The following ITGB3BP variants were observed in gnomAD, a reference collection of about 807,000 sequenced individuals.
ITGB3BP encodes the protein integrin subunit beta 3 binding protein, also known as centromere protein R.
In ITGB3BP, 27 loss-of-function variants were observed where a neutral mutation model predicts 29.1. The ratio of observed to expected loss-of-function variants is 0.93; its 90% CI spans 0.68 to 1.28. The LOEUF is 1.28. ITGB3BP is among the 50% of genes most tolerant of loss of function. The pLI, the probability that ITGB3BP is intolerant of heterozygous loss-of-function variation, is 0.00. For synonymous variants in ITGB3BP, 61 were observed against 61.4 expected (o/e 0.99, Z 0.03); for missense variants, 192 against 200.2 (o/e 0.96, Z 0.25).
Position 63,493,088 on chromosome 1 carries a change from A to ACACACACACG in ITGB3BP, c.49-2871_49-2870insCGTGTGTGTG, listed in dbSNP as rs372348238. On this transcript the variant is annotated intron_variant, in intron 2 of 8. Transcript: ENST00000271002. ...GATCACACCACACACACACACACACACGCGCGCGCGCGCAAGAAAATAGAT... is the reference window on the plus strand; with the variant it reads ...GATCACACCACACACACACACACACACACACACACGCGCGCGCGCGCGCAAGAAAATAGAT... 3.4e-3 allele frequency among the ~76,000 whole-genome samples: 509 copies of ACACACACACG among 148,842 alleles called. 4 individuals carry two copies. The highest frequency in any genetic ancestry group is 0.012 in the African/African-American group (480 of 39,426).
intron 2 of ITGB3BP, 50 bp downstream of exon 2, chr1:63,508,478 A>G: frequency 1.2e-6 from 1 of 845,918 alleles, no homozygotes; most frequent in Non-Finnish European, 1.8e-6. Context: ...AGTAGTTAAA[A>G]ACTGAAAACA....
rs746571610 is a variant in ITGB3BP, at chr1:63,454,871, A to C, written c.333+19T>G. The C allele has an allele frequency of 6.0e-6, 7 of 1,162,918 alleles. No individual in the cohort carries two copies. Among genetic ancestry groups the C allele is most frequent in the Admixed American group, 1.8e-5 (1 of 56,272 alleles). The allele number at this position is 1,162,918 out of a possible 1,614,324, so 72.0% of individuals were successfully genotyped here. Reference sequence around the variant, plus strand: ...TTTTATCCTTTTCAAACAGGGTAGAAGTATGAAAAAATGCAAACCTGTATA... The same window carrying C: ...TTTTATCCTTTTCAAACAGGGTAGACGTATGAAAAAATGCAAACCTGTATA... On this transcript the variant is annotated intron_variant, in intron 5 of 8. Coordinates refer to ENST00000271002, the MANE Select transcript of ITGB3BP (RefSeq NM_014288.5). The surrounding 1 kb of genome is among the most constrained non-coding windows in gnomAD (Gnocchi z 4.1).
At chr1:63,522,820 T>C (rs1646486219) in intron 1 of ITGB3BP, 1 of 487,276 alleles carries the variant, frequency 2.1e-6, no homozygotes, top group Admixed American at 2.7e-5. Context: ...TTTCATCTAC[T>C]CTGTCCCATC....
chr1:63,487,873 G>A (rs2100663823), intron 3 of ITGB3BP, among the ~76,000 whole-genome samples: 1 of 152,210 alleles, frequency 6.6e-6, no homozygotes, highest in East Asian at 1.9e-4. Context: ...AACGTGTTGT[G>A]CTACAATGTT....
At chr1:63,510,148 C>T (rs772957540) in intron 1 of ITGB3BP, 1 of 611,124 alleles carries the variant, frequency 1.6e-6, no homozygotes, top group South Asian at 1.8e-5. Context: ...GGAAATCGTG[C>T]CATTGCACTC....
chr1:63,471,519 G>A (rs1645197213), intron 4 of ITGB3BP, among the ~76,000 whole-genome samples: 1 of 151,214 alleles, frequency 6.6e-6, no homozygotes, highest in South Asian at 2.1e-4. Flanking sequence ...CCAAAGTGCT[G>A]GGATTACAGG....
chr1:63,446,598 T>C, intron 8 of ITGB3BP: 1 of 531,594 alleles, frequency 1.9e-6, no homozygotes, highest in East Asian at 3.0e-5. Flanking sequence ...AACAGTTCTT[T>C]CCAATCAGCC....
At chr1:63,460,478 T>C (rs193209377) in intron 4 of ITGB3BP, among the ~76,000 whole-genome samples, 24 of 152,354 alleles carry the variant, frequency 1.6e-4, no homozygotes, top group African/African-American at 5.8e-4. Context: ...GTATCAGAAC[T>C]TCATTCCTTT....
chr1:63,470,366 G>C (rs538388993), intron 4 of ITGB3BP, among the ~76,000 whole-genome samples: 2 of 152,144 alleles, frequency 1.3e-5, no homozygotes, highest in Non-Finnish European at 2.9e-5. Context: ...AAGAGACAAG[G>C]GTACACATAA....
upstream of ITGB3BP, chr1:63,525,630 G>A (rs775810169): frequency 1.9e-6 from 3 of 1,598,052 alleles, no homozygotes; most frequent in South Asian, 3.4e-5. Context: ...AACACCTTCA[G>A]AGAGTCCTCG....
At chr1:63,490,616 C>T (rs1337591368) in intron 2 of ITGB3BP, among the ~76,000 whole-genome samples, 1 of 152,092 alleles carries the variant, frequency 6.6e-6, no homozygotes, top group Non-Finnish European at 1.5e-5. Context: ...CACACAGAAA[C>T]CTTAGGAAGG....
intron 7 of ITGB3BP, among the ~76,000 whole-genome samples, chr1:63,450,534 GTAAA>G (rs1279890671): frequency 6.6e-6 from 1 of 151,878 alleles, no homozygotes; most frequent in Non-Finnish European, 1.5e-5. Flanking sequence ...ATTATGTAAA[GTAAA>G]TAAATTTCAT....
At chr1:63,525,071 A>C (rs1321661926), upstream of ITGB3BP, among the ~76,000 whole-genome samples, 1 of 152,146 alleles carries the variant, frequency 6.6e-6, no homozygotes, top group African/African-American at 2.4e-5. Flanking sequence ...CCCGATTCTC[A>C]TTATTCTGGA....
At chr1:63,455,599 G>A (rs1225604182) in intron 4 of ITGB3BP, among the ~76,000 whole-genome samples, 1 of 152,052 alleles carries the variant, frequency 6.6e-6, no homozygotes, top group African/African-American at 2.4e-5. Context: ...TGTGAGCCAT[G>A]GTGTCTGGCT....
intron 4 of ITGB3BP, among the ~76,000 whole-genome samples, chr1:63,455,550 T>A (rs1373702624): frequency 6.6e-6 from 1 of 152,078 alleles, no homozygotes; most frequent in Non-Finnish European, 1.5e-5. Context: ...GTTCAATCGA[T>A]CCTCTTACCT....
At chr1:63,488,677 AT>A (rs1415456809) in intron 3 of ITGB3BP, among the ~76,000 whole-genome samples, 1 of 152,086 alleles carries the variant, frequency 6.6e-6, no homozygotes. Flanking sequence ...TCTGGACAAA[AT>A]TCTGTTTCGA....
chr1:63,523,735 T>C (rs1482985904), upstream of ITGB3BP: 1 of 159,304 alleles, frequency 6.3e-6, no homozygotes, highest in African/African-American at 2.4e-5. Context: ...GTCATAAACA[T>C]TTGGTCCATG....
chr1:63,467,940 G>A (rs1438908680), intron 4 of ITGB3BP, among the ~76,000 whole-genome samples: 1 of 152,136 alleles, frequency 6.6e-6, no homozygotes. Context: ...CAAAAAGGGG[G>A]CACTTATTGG....
At chr1:63,489,491 G>A (rs1213476596) in intron 3 of ITGB3BP, among the ~76,000 whole-genome samples, 1 of 150,322 alleles carries the variant, frequency 6.7e-6, no homozygotes, top group Non-Finnish European at 1.5e-5. Flanking sequence ...CAACAAATAT[G>A]TATGGTCAAA....
Sources: allele counts gnomAD v4.1 joint callset (sites outside exome capture counted in the v4.1 genomes callset), GRCh38; gene constraint gnomAD v4.1.1; non-coding constraint Gnocchi (gnomAD v3.1); transcripts MANE v1.5; gene names NCBI Gene and HGNC (gene_info 2026-07-23, HGNC 2026-07-21).